AGTPBP1: variants seen among roughly 807,000 people sequenced by gnomAD.
The protein encoded by AGTPBP1 is cytosolic carboxypeptidase 1.
In AGTPBP1, 70 loss-of-function variants were observed where a neutral mutation model predicts 143.9. That is an observed-to-expected ratio of 0.49 (90% CI 0.40 to 0.59). AGTPBP1 has a LOEUF of 0.59. AGTPBP1 is among the 20% of genes least tolerant of loss of function. The pLI, the probability that AGTPBP1 is intolerant of heterozygous loss-of-function variation, is 0.00. For synonymous variants in AGTPBP1, 463 were observed against 500.2 expected (o/e 0.93, Z 0.99); for missense variants, 1,229 against 1,464.5 (o/e 0.84, Z 2.62).
At chr9:85,655,418 T>G in intron 10 of AGTPBP1, 98 bp from the exon 11 acceptor site, 1 of 1,003,994 alleles carries the variant, frequency 1.0e-6, no homozygotes, top group Non-Finnish European at 1.4e-6. Context: ...AATAATTTTC[T>G]AGAAACAAAT....
rs544914054 is a variant in AGTPBP1 at position 85,600,651 on chromosome 9, G to C, written c.2336-4202C>G. 6.6e-4 allele frequency among the ~76,000 whole-genome samples: 101 copies of C among 152,226 alleles called. 2 individuals carry two copies. Among genetic ancestry groups the C allele is most frequent in the African/African-American group, 2.3e-3 (96 of 41,524 alleles). ...CAGACTCCTCCAATCCTAGCCAGGG[G>C]GGAGCCCTCCATCCTCACAGGTCCC... is the stretch of plus-strand genomic sequence containing the variant. On this transcript the variant is annotated intron_variant, in intron 17 of 25. Transcript: ENST00000357081.
At chr9:85,600,820 C>G (rs530687479) in intron 17 of AGTPBP1, among the ~76,000 whole-genome samples, 47 of 152,278 alleles carry the variant, frequency 3.1e-4, no homozygotes, top group Admixed American at 1.0e-3. Flanking sequence ...TGCCCCGAGG[C>G]CCAACAGCCT....
At chr9:85,665,013 A>G (rs544175877) in intron 8 of AGTPBP1, among the ~76,000 whole-genome samples, 1 of 152,296 alleles carries the variant, frequency 6.6e-6, no homozygotes, top group Admixed American at 6.5e-5. Flanking sequence ...CACAGAACAC[A>G]CTGAAAGATC....
At chr9:85,585,215 T>A (rs927743095) in intron 23 of AGTPBP1, among the ~76,000 whole-genome samples, 1 of 152,200 alleles carries the variant, frequency 6.6e-6, no homozygotes, top group Admixed American at 6.5e-5. Flanking sequence ...AAGGAGGTAC[T>A]ATCGAGTTAA....
intron 25 of AGTPBP1, among the ~76,000 whole-genome samples, chr9:85,552,283 C>G (rs1826080666): frequency 6.6e-6 from 1 of 152,076 alleles, no homozygotes; most frequent in African/African-American, 2.4e-5. Context: ...CTGAAGAGAA[C>G]AAAAAATGTT....
intron 2 of AGTPBP1, among the ~76,000 whole-genome samples, chr9:85,695,007 T>C (rs1053559467): frequency 6.6e-6 from 1 of 152,178 alleles, no homozygotes; most frequent in Non-Finnish European, 1.5e-5. Context: ...ATATCTACTA[T>C]ATGACTACCC....
intron 1 of AGTPBP1, among the ~76,000 whole-genome samples, chr9:85,719,784 A>G (rs1837978106): frequency 6.6e-6 from 1 of 152,126 alleles, no homozygotes; most frequent in Non-Finnish European, 1.5e-5. Flanking sequence ...CCAGTATGAT[A>G]TTGGCTGTGG....
intron 14 of AGTPBP1, among the ~76,000 whole-genome samples, chr9:85,632,199 T>C (rs78724556): frequency 0.038 from 5,788 of 152,196 alleles, 292 homozygotes; most frequent in African/African-American, 0.11. Context: ...CAAGCATTTA[T>C]CCTTTCTTCC....
intron 4 of AGTPBP1, among the ~76,000 whole-genome samples, chr9:85,679,292 G>T (rs1232250076): frequency 6.6e-6 from 1 of 152,166 alleles, no homozygotes. Context: ...CTTCTTAAAA[G>T]TAATGCTCAA....
intron 17 of AGTPBP1, among the ~76,000 whole-genome samples, chr9:85,608,808 T>C (rs73475789): frequency 0.053 from 8,034 of 151,446 alleles, 726 homozygotes; most frequent in African/African-American, 0.18. Context: ...GTACTAAAAC[T>C]AGAAATTACA....
chr9:85,688,873 C>T (rs1416259332), intron 3 of AGTPBP1, among the ~76,000 whole-genome samples: 1 of 152,180 alleles, frequency 6.6e-6, no homozygotes, highest in African/African-American at 2.4e-5. Context: ...ACCTTATTCT[C>T]CCCCATTCCT....
intron 18 of AGTPBP1, among the ~76,000 whole-genome samples, chr9:85,593,043 T>C (rs887298346): frequency 2.0e-5 from 3 of 152,104 alleles, no homozygotes; most frequent in African/African-American, 7.2e-5. Flanking sequence ...AGAGGAAAGG[T>C]TGATGGACAC....
Position 85,589,758 on chromosome 9 carries a change from C to T in AGTPBP1, c.2569-77G>A. ...ATATACAGAAATAATGCATCCAGAT[C>T]TCCACATAACTAGAAGTGAATCAGA... is the stretch of plus-strand genomic sequence containing the variant. On this transcript the variant is annotated intron_variant, in intron 19 of 25. Coordinates refer to ENST00000357081, the MANE Select transcript of AGTPBP1 (RefSeq NM_001330701.2). 4 of 1,315,722 alleles carry T rather than the reference C, an allele frequency of 3.0e-6. No homozygotes were observed. The South Asian group carries it at 6.0e-5, about 20-fold the overall frequency. 81.5% of individuals were successfully genotyped at this position (1,315,722 alleles called of 1,614,324 possible). A position where few individuals can be genotyped will look rare whatever the true frequency, so the allele number is the denominator to read the frequency against.
rs370115913 is a variant in AGTPBP1, at chr9:85,698,091, C to CTT, written c.33-5280_33-5279dup. Among the ~76,000 whole-genome samples the CTT allele has an allele frequency of 5.4e-5, 8 of 148,456 alleles. No homozygotes were observed. In the East Asian group the frequency reaches 7.9e-4, roughly 15 times the overall value. ...CGTTATTTTTCTTTTAAAAGGTCATCTTTTTTTTTTGGCAATTAATAAAAC... is the reference window on the plus strand; with the variant it reads ...CGTTATTTTTCTTTTAAAAGGTCATCTTTTTTTTTTTTGGCAATTAATAAAAC... On this transcript the variant is annotated intron_variant, in intron 2 of 25. Transcript: ENST00000357081.
At chr9:85,786,728 T>C in the AGTPBP1 span, among the ~76,000 whole-genome samples, 3,502 of 152,196 alleles carry the variant, frequency 0.023, 38 homozygotes, top group South Asian at 0.037. Flanking sequence ...ATGCTATAGA[T>C]GTGTACATCT....
intron 1 of AGTPBP1, among the ~76,000 whole-genome samples, chr9:85,721,366 T>C (rs1340613807): frequency 1.3e-5 from 2 of 152,192 alleles, no homozygotes; most frequent in African/African-American, 4.8e-5. Context: ...TGCATATATA[T>C]TTAGGATAGT....
At chr9:85,577,998 T>C (rs1436545398) in intron 24 of AGTPBP1, among the ~76,000 whole-genome samples, 1 of 152,192 alleles carries the variant, frequency 6.6e-6, no homozygotes, top group Non-Finnish European at 1.5e-5. Flanking sequence ...TTCAAGATCC[T>C]CTTTCCCCAT....
intron 21 of AGTPBP1, 28 bp from the exon 22 acceptor site, chr9:85,586,988 A>T (rs1374667592): frequency 6.2e-7 from 1 of 1,612,828 alleles, no homozygotes; most frequent in Non-Finnish European, 8.5e-7. Context: ...CAAAGACAGA[A>T]AAACACTGGT....
At chr9:85,638,731 A>T (rs1339771284) in intron 13 of AGTPBP1, among the ~76,000 whole-genome samples, 16 of 151,998 alleles carry the variant, frequency 1.1e-4, no homozygotes, top group Admixed American at 1.0e-3. Context: ...CCAACTCAAA[A>T]AGGAAGAAAA....
Sources: allele counts gnomAD v4.1 joint callset (sites outside exome capture counted in the v4.1 genomes callset), GRCh38; gene constraint gnomAD v4.1.1; transcripts MANE v1.5; gene names NCBI Gene and HGNC (gene_info 2026-07-23, HGNC 2026-07-21).